The following SPINK9 variants were observed in gnomAD, a reference collection of about 807,000 sequenced individuals.
SPINK9 encodes the protein serine peptidase inhibitor Kazal type 9.
Under a neutral mutation model 10.8 loss-of-function variants are expected in SPINK9, and 3 were observed. The observed-to-expected ratio is 0.28, with a 90% confidence interval of 0.13 to 0.72. The LOEUF (loss-of-function observed/expected upper bound fraction) is 0.72. SPINK9 is among the 30% of genes least tolerant of loss of function. SPINK9 has a pLI of 0.74. For synonymous variants in SPINK9, 30 were observed against 31.2 expected, an observed-to-expected ratio of 0.96 and a Z score of 0.12; for missense variants, 101 against 103.2, an observed-to-expected ratio of 0.98 and a Z score of 0.09.
rs961312325 is a variant in SPINK9, at chr5:148,325,556, C to T, written c.118+1688C>T. ...TTTTCATGTGCTTATTGACCTTTTG[C>T]ATTTCTTTGGAGAAATGTCCATTCA... On this transcript the variant is annotated intron_variant, in intron 2 of 4. Transcript: ENST00000511717. Among the ~76,000 whole-genome samples, 13 of 151,990 alleles carry T rather than the reference C, an allele frequency of 8.6e-5. 1 individual carries two copies. The South Asian group carries it at 2.5e-3, about 29-fold the overall frequency.
chr5:148,333,433 C>T (rs72834756), upstream of SPINK9, among the ~76,000 whole-genome samples: 1,601 of 152,334 alleles, frequency 0.011, 18 homozygotes, highest in South Asian at 0.022. Context: ...CTGAGTTAAA[C>T]GGGGCTAGCC....
Position 148,329,400 on chromosome 5 carries a change from T to C in SPINK9, c.118+5532T>C, listed in dbSNP as rs543817157. Among the ~76,000 whole-genome samples the C allele has an allele frequency of 3.0e-4, 46 of 152,294 alleles. 1 individual carries two copies. Among genetic ancestry groups the C allele is most frequent in the Non-Finnish European group, 5.7e-4 (39 of 68,028 alleles). ...ATCTATTTGATTCTTCTCTCTTTTC[T>C]TCTTTATTAGTCTTGCTAGCCGTCT... On this transcript the variant is annotated intron_variant, in intron 2 of 4. Coordinates refer to the SPINK9 transcript ENST00000511717.
chr5:148,331,114 C>A (rs561107593), upstream of SPINK9, among the ~76,000 whole-genome samples: 2 of 152,322 alleles, frequency 1.3e-5, no homozygotes, highest in South Asian at 4.1e-4. Flanking sequence ...CTGTCCAGCA[C>A]TCCCCAGTGA....
At chr5:148,330,169 C>A (rs1296258631) in intron 2 of SPINK9, among the ~76,000 whole-genome samples, 1 of 152,138 alleles carries the variant, frequency 6.6e-6, no homozygotes, top group African/African-American at 2.4e-5. Context: ...TAAGGACTTG[C>A]TTTATGAATC....
intron 2 of SPINK9, among the ~76,000 whole-genome samples, chr5:148,329,144 T>A (rs1349354520): frequency 6.6e-6 from 1 of 152,200 alleles, no homozygotes; most frequent in African/African-American, 2.4e-5. Context: ...TGGACTTTTT[T>A]TTGTTTGGTA....
chr5:148,336,058 G>T (rs140415269), intron 1 of SPINK9, among the ~76,000 whole-genome samples: 1,836 of 152,022 alleles, frequency 0.012, 22 homozygotes, highest in Non-Finnish European at 0.016. Flanking sequence ...TTCAACCACT[G>T]TTCCAACATC....
chr5:148,330,175 G>C (rs964081211), intron 2 of SPINK9, among the ~76,000 whole-genome samples: 2 of 152,188 alleles, frequency 1.3e-5, no homozygotes, highest in African/African-American at 4.8e-5. Context: ...CTTGCTTTAT[G>C]AATCTGGGTG....
intron 2 of SPINK9, among the ~76,000 whole-genome samples, chr5:148,328,378 C>T (rs75054775): frequency 0.22 from 33,235 of 152,040 alleles, 3,850 homozygotes; most frequent in Non-Finnish European, 0.26. Context: ...GCTGAAGTTG[C>T]GTATCAGCTT....
intron 2 of SPINK9, among the ~76,000 whole-genome samples, chr5:148,327,477 T>C (rs1451093587): frequency 6.6e-6 from 1 of 152,194 alleles, no homozygotes; most frequent in Non-Finnish European, 1.5e-5. Flanking sequence ...CTGATGGTGG[T>C]TTCTTTTGCT....
upstream of SPINK9, among the ~76,000 whole-genome samples, chr5:148,332,210 G>A (rs1757160790): frequency 6.6e-6 from 1 of 152,196 alleles, no homozygotes; most frequent in Admixed American, 6.5e-5. Flanking sequence ...CTATGAAGGA[G>A]GTCAGCCTCC....
chr5:148,326,623 C>T (rs1757063966), intron 2 of SPINK9, among the ~76,000 whole-genome samples: 2 of 152,158 alleles, frequency 1.3e-5, no homozygotes, highest in African/African-American at 4.8e-5. Flanking sequence ...ATTAACTCGT[C>T]ATTTAGCATT....
chr5:148,329,287 T>G (rs896912461), intron 2 of SPINK9, among the ~76,000 whole-genome samples: 1 of 152,230 alleles, frequency 6.6e-6, no homozygotes, highest in Non-Finnish European at 1.5e-5. Context: ...TCTAGTTTAT[T>G]TGCTTAGAGG....
chr5:148,337,671 G>T (rs181091026), intron 2 of SPINK9, among the ~76,000 whole-genome samples: 29 of 151,080 alleles, frequency 1.9e-4, no homozygotes, highest in African/African-American at 6.6e-4. Context: ...GCTAAGCATT[G>T]TACACATATC....
At chr5:148,327,055 T>G (rs542049274) in intron 2 of SPINK9, among the ~76,000 whole-genome samples, 7 of 152,158 alleles carry the variant, frequency 4.6e-5, no homozygotes, top group African/African-American at 7.2e-5. Context: ...GGTCAAATGG[T>G]ATTTCTAGTT....
chr5:148,331,131 C>A (rs1207465228), upstream of SPINK9, among the ~76,000 whole-genome samples: 1 of 152,220 alleles, frequency 6.6e-6, no homozygotes, highest in East Asian at 1.9e-4. Flanking sequence ...GTGAGACGAA[C>A]CCAGTACCTC....
chr5:148,330,040 G>C (rs1757125622), intron 2 of SPINK9, among the ~76,000 whole-genome samples: 1 of 152,178 alleles, frequency 6.6e-6, no homozygotes, highest in Non-Finnish European at 1.5e-5. Flanking sequence ...GCAGAGCTGA[G>C]TTCAATTCCT....
chr5:148,327,811 G>T (rs1444251711), intron 2 of SPINK9, among the ~76,000 whole-genome samples: 1 of 152,166 alleles, frequency 6.6e-6, no homozygotes, highest in Non-Finnish European at 1.5e-5. Context: ...AGATCAGATA[G>T]TTGTAGATAT....
intron 2 of SPINK9, among the ~76,000 whole-genome samples, chr5:148,328,412 T>C (rs1430989486): frequency 6.6e-6 from 1 of 152,194 alleles, no homozygotes; most frequent in Non-Finnish European, 1.5e-5. Flanking sequence ...GCTGAGATGA[T>C]GGGATTTTCT....
intron 2 of SPINK9, among the ~76,000 whole-genome samples, chr5:148,325,445 C>A (rs566577485): frequency 6.6e-6 from 1 of 152,176 alleles, no homozygotes; most frequent in South Asian, 2.1e-4. Context: ...CGTCACCTGT[C>A]TTTTTTATCT....
Sources: gnomAD v4.1 joint callset for allele counts (sites outside exome capture counted in the v4.1 genomes callset) on GRCh38, gnomAD v4.1.1 for gene constraint, MANE v1.5 for transcripts, NCBI Gene and HGNC (gene_info 2026-07-23, HGNC 2026-07-21) for gene names.